The following DLC1 variants were observed in gnomAD, a reference collection of about 807,000 sequenced individuals.
The protein encoded by DLC1 is DLC1 Rho GTPase activating protein, also known as rho GTPase-activating protein 7.
In DLC1, 54 loss-of-function variants were observed where a neutral mutation model predicts 140.3. The ratio of observed to expected loss-of-function variants is 0.38; its 90% CI spans 0.31 to 0.48. The LOEUF is 0.48. Among genes scored for constraint, DLC1 ranks in the 20% least tolerant of loss-of-function variants. DLC1 has a pLI of 0.96. For missense variants in DLC1, 2,536 were observed against 1,907.0 expected, an observed-to-expected ratio of 1.33 and a Z score of -6.14; for synonymous variants, 986 against 728.1, an observed-to-expected ratio of 1.35 and a Z score of -5.70.
chr8:13,511,879 A>T (rs1247444040), intron 1 of DLC1, among the ~76,000 whole-genome samples: 1 of 152,188 alleles, frequency 6.6e-6, no homozygotes, highest in Non-Finnish European at 1.5e-5. Flanking sequence ...CAAACAAAAG[A>T]CAAATTTCAA....
At chr8:13,468,063 A>C (rs1328912293) in intron 2 of DLC1, among the ~76,000 whole-genome samples, 1 of 152,188 alleles carries the variant, frequency 6.6e-6, no homozygotes, top group African/African-American at 2.4e-5. Flanking sequence ...CTGTTTCTTC[A>C]AAGATGGTTA....
Position 13,343,151 on chromosome 8 carries a change from A to G in DLC1, c.1315-37849T>C, listed in dbSNP as rs139872462. On this transcript the variant is annotated intron_variant, in intron 4 of 17. Coordinates refer to ENST00000276297, the MANE Select transcript of DLC1 (RefSeq NM_182643.3). ...CTATAATTTCTTTGGCTTGGAAGCTACAAAGAAAGGTGAATTTATGATTCT... is the reference window on the plus strand; with the variant it reads ...CTATAATTTCTTTGGCTTGGAAGCTGCAAAGAAAGGTGAATTTATGATTCT... Among the ~76,000 whole-genome samples, 1,437 of 152,346 alleles carry G rather than the reference A, an allele frequency of 9.4e-3. 17 individuals are homozygous for G. The highest frequency in any genetic ancestry group is 0.014 in the Non-Finnish European group (945 of 68,032).
At chr8:13,208,072 C>G (rs981266574) in intron 5 of DLC1, among the ~76,000 whole-genome samples, 6 of 152,126 alleles carry the variant, frequency 3.9e-5, no homozygotes, top group Non-Finnish European at 8.8e-5. Context: ...ATGTTTAGCT[C>G]TGTGAATTTT....
intron 1 of DLC1, among the ~76,000 whole-genome samples, chr8:13,590,532 T>C (rs558863399): frequency 4.5e-4 from 68 of 152,238 alleles, no homozygotes; most frequent in African/African-American, 1.6e-3. Flanking sequence ...CAGTGTTTTC[T>C]ATAGAAAATC....
intron 2 of DLC1, among the ~76,000 whole-genome samples, chr8:13,440,637 C>G (rs1020323057): frequency 6.6e-6 from 1 of 151,922 alleles, no homozygotes; most frequent in African/African-American, 2.4e-5. Context: ...TGTGTCACCA[C>G]CCAAATCTCA....
intron 1 of DLC1, among the ~76,000 whole-genome samples, chr8:13,546,419 T>C (rs1176629778): frequency 6.6e-6 from 1 of 152,166 alleles, no homozygotes; most frequent in Non-Finnish European, 1.5e-5. Context: ...ATAACAGGAT[T>C]GGATTGCATC....
upstream of DLC1, among the ~76,000 whole-genome samples, chr8:13,518,120 G>GTTTTTC (rs76744003): frequency 6.6e-6 from 1 of 151,756 alleles, no homozygotes; most frequent in East Asian, 1.9e-4. Context: ...TTTTGTTTTT[G>GTTTTTC]TTTTTGAGAC....
chr8:13,179,440 G>A (rs1825923266), intron 5 of DLC1, among the ~76,000 whole-genome samples: 1 of 152,098 alleles, frequency 6.6e-6, no homozygotes, highest in Non-Finnish European at 1.5e-5. Flanking sequence ...AGAATTAATG[G>A]CTGATTGCGG....
chr8:13,573,376 G>A (rs1482264295), intron 1 of DLC1, among the ~76,000 whole-genome samples: 1 of 151,960 alleles, frequency 6.6e-6, no homozygotes, highest in African/African-American at 2.4e-5. Context: ...GATTCTTTAG[G>A]GTTTTCTAGG....
intron 1 of DLC1, among the ~76,000 whole-genome samples, chr8:13,582,284 T>C (rs1344066828): frequency 3.3e-5 from 5 of 152,202 alleles, no homozygotes; most frequent in Admixed American, 3.3e-4. Flanking sequence ...AACACCAGTA[T>C]ACTAATATGG....
chr8:13,457,636 C>T lies in DLC1; in HGVS notation c.1023+41413G>A, dbSNP rs565098079. Among the ~76,000 whole-genome samples the T allele has an allele frequency of 1.5e-4, 20 of 136,420 alleles. No homozygotes were observed. The South Asian group carries it at 4.1e-3, about 28-fold the overall frequency. 89.5% of individuals were successfully genotyped at this position (136,420 alleles called of 152,430 possible). On this transcript the variant is annotated intron_variant, in intron 2 of 17. Coordinates refer to ENST00000276297, the MANE Select transcript of DLC1 (RefSeq NM_182643.3). ...AGCTTGCAGTGAGCCGAGATCGCGC[C>T]ACTGCACTCCAGCCTGGGTGACAGA...
chr8:13,551,217 G>C (rs11777802), intron 1 of DLC1, among the ~76,000 whole-genome samples: 1 of 151,432 alleles, frequency 6.6e-6, no homozygotes, highest in Non-Finnish European at 1.5e-5. Flanking sequence ...AGAAAAGTCA[G>C]TTGTAGTCGG....
chr8:13,487,052 G>C (rs527759760), intron 2 of DLC1, among the ~76,000 whole-genome samples: 8 of 152,116 alleles, frequency 5.3e-5, no homozygotes, highest in Non-Finnish European at 1.2e-4. Flanking sequence ...AGTCTGCTGC[G>C]GTTTCCTTTT....
chr8:13,144,402 CT>C (rs755186522), intron 5 of DLC1, among the ~76,000 whole-genome samples: 63 of 152,170 alleles, frequency 4.1e-4, no homozygotes, highest in Non-Finnish European at 1.2e-4. Context: ...TTCCTTGGTT[CT>C]CCACCTTGCG....
At chr8:13,370,366 G>A (rs545632339) in intron 4 of DLC1, among the ~76,000 whole-genome samples, 1 of 152,164 alleles carries the variant, frequency 6.6e-6, no homozygotes, top group African/African-American at 2.4e-5. Flanking sequence ...AGCATTTGTT[G>A]AGTGACTGAC....
intron 2 of DLC1, among the ~76,000 whole-genome samples, chr8:13,449,861 C>T (rs903751933): frequency 1.3e-5 from 2 of 151,896 alleles, no homozygotes; most frequent in Non-Finnish European, 2.9e-5. Flanking sequence ...TGGTGGCAGG[C>T]TGTGATGCAA....
At position 13,147,780 on chromosome 8, in the gene DLC1, G is replaced by A. The variant is rs551032368; in HGVS notation, c.1349-32123C>T. 1.4e-4 allele frequency among the ~76,000 whole-genome samples: 21 copies of A among 152,240 alleles called. No individual in the cohort carries two copies. The East Asian group carries it at 4.1e-3, about 29-fold the overall frequency. ...CTAGGCGGGCGGATCATGAGGTCAA[G>A]AGATTGAGACCATCCTGGCCAACAT... On this transcript the variant is annotated intron_variant, in intron 5 of 17. Coordinates refer to ENST00000276297, the MANE Select transcript of DLC1 (RefSeq NM_182643.3).
At chr8:13,118,921 G>C (rs761015273) in intron 5 of DLC1, among the ~76,000 whole-genome samples, 4 of 152,064 alleles carry the variant, frequency 2.6e-5, no homozygotes, top group Admixed American at 2.6e-4. Flanking sequence ...CTTCGCTGGA[G>C]CTCCACGTGT....
chr8:13,428,679 T>C (rs1838715525), intron 2 of DLC1, among the ~76,000 whole-genome samples: 1 of 152,000 alleles, frequency 6.6e-6, no homozygotes, highest in African/African-American at 2.4e-5. Context: ...ACTCTTTCCA[T>C]CTGTTGAGTC....
Sources: allele counts gnomAD v4.1 joint callset (sites outside exome capture counted in the v4.1 genomes callset), GRCh38; gene constraint gnomAD v4.1.1; transcripts MANE v1.5; gene names NCBI Gene and HGNC (gene_info 2026-07-23, HGNC 2026-07-21).